The following SYNE3 variants were observed in gnomAD, a reference collection of about 807,000 sequenced individuals.
SYNE3 encodes the protein spectrin repeat containing nuclear envelope family member 3, also known as nesprin-3.
In SYNE3, 100 loss-of-function variants were observed where a neutral mutation model predicts 111.2. The ratio of observed to expected loss-of-function variants is 0.90; its 90% CI spans 0.77 to 1.06. The LOEUF is 1.06. Among genes scored for constraint, SYNE3 ranks in the 50% least tolerant of loss-of-function variants. The pLI is 0.00. For missense variants in SYNE3, 1,160 were observed against 1,240.3 expected (o/e 0.94, Z 0.97); for synonymous variants, 547 against 533.9 (o/e 1.02, Z -0.34).
At chr14:95,474,340 A>T (rs1888747360) in intron 2 of SYNE3, among the ~76,000 whole-genome samples, 1 of 152,174 alleles carries the variant, frequency 6.6e-6, no homozygotes, top group Admixed American at 6.5e-5. Flanking sequence ...TGCCTCATAC[A>T]TGCTTGTGCA....
rs1393002816 is a variant in SYNE3 at position 95,440,094 on chromosome 14, A to C, written c.1912-19T>G. On this transcript the variant is annotated intron_variant, in intron 11 of 17. Transcript: ENST00000682763. ...CAAGGTCCTGCAGCACAGCCCGGGG[A>C]GCCCAGGGCATCCTGAGTGCTGGCC... The C allele has an allele frequency of 6.3e-7, 1 of 1,579,942 alleles. No homozygotes were observed. Among genetic ancestry groups the C allele is most frequent in the African/African-American group, 1.3e-5 (1 of 74,562 alleles).
intron 1 of SYNE3, among the ~76,000 whole-genome samples, chr14:95,489,316 T>A (rs955904418): frequency 6.6e-6 from 1 of 152,210 alleles, no homozygotes. Flanking sequence ...GTGTAGGGCC[T>A]GGAATTTCTG....
chr14:95,432,675 T>C (rs1190584684), intron 16 of SYNE3, among the ~76,000 whole-genome samples: 5 of 134,222 alleles, frequency 3.7e-5, no homozygotes, highest in African/African-American at 1.4e-4. Flanking sequence ...ATTATTATTA[T>C]TATTTGGTGT....
intron 3 of SYNE3, among the ~76,000 whole-genome samples, chr14:95,466,798 TG>T (rs774403303): frequency 6.6e-6 from 1 of 152,232 alleles, no homozygotes; most frequent in Non-Finnish European, 1.5e-5. Context: ...CCTGTCTCCC[TG>T]GGGGCTGGTG....
rs1480619262 is a variant in SYNE3 at position 95,436,716 on chromosome 14, C to A, written c.2538+104G>T. 2.2e-6 allele frequency: 3 copies of A among 1,352,918 alleles called. No homozygotes were observed. The Admixed American group carries it at 6.1e-5, about 28-fold the overall frequency. The allele number at this position is 1,352,918 out of a possible 1,614,324, so 83.8% of individuals were successfully genotyped here. On this transcript the variant is annotated intron_variant, in intron 15 of 17. Transcript: ENST00000682763. The stretch of plus-strand genomic sequence containing the variant: ...ATTATCTATACACAAGGGAGAACAG[C>A]TCACAAACTGTGGGTGTGTTCCTTC...
rs531907433 is a variant in SYNE3 at position 95,500,725 on chromosome 14, C to T, written c.-15+15871G>A. Reference sequence around the variant, plus strand: ...TGGCCAGCCATTTTAACATCTTTTCCCTCGCAGGACCCTGGGTTGTCCCCA... The same window carrying T: ...TGGCCAGCCATTTTAACATCTTTTCTCTCGCAGGACCCTGGGTTGTCCCCA... On this transcript the variant is annotated intron_variant, in intron 1 of 17. Coordinates refer to ENST00000682763, the MANE Select transcript of SYNE3 (RefSeq NM_152592.6). The surrounding 1 kb of genome is among the most constrained non-coding windows in gnomAD (Gnocchi z 4.7). 2.0e-5 allele frequency among the ~76,000 whole-genome samples: 3 copies of T among 152,298 alleles called. No homozygotes were observed. The South Asian group carries it at 6.2e-4, about 32-fold the overall frequency.
rs1460959301 is a variant in SYNE3, at chr14:95,455,733, G to A, written c.790-9C>T. ...AAATCTTTGGCAATGTCCTGAAGAG[G>A]GTAGAGGGGTGAGGGAAAAACAGGC... On this transcript the variant is annotated splice_polypyrimidine_tract_variant and intron_variant, in intron 5 of 17. Transcript: ENST00000682763. 13 of 1,611,732 alleles carry A rather than the reference G, an allele frequency of 8.1e-6. No individual in the cohort carries two copies. Among genetic ancestry groups the A allele is most frequent in the Non-Finnish European group, 1.1e-5 (13 of 1,178,634 alleles).
At chr14:95,481,137 C>T (rs181934828) in intron 1 of SYNE3, among the ~76,000 whole-genome samples, 50 of 152,346 alleles carry the variant, frequency 3.3e-4, no homozygotes, top group African/African-American at 9.1e-4. Context: ...GATAAGAATG[C>T]GCAGACTGCA....
chr14:95,425,885 T>C lies in SYNE3; in HGVS notation c.2727+6194A>G, dbSNP rs549597692. On this transcript the variant is annotated intron_variant, in intron 17 of 17. Transcript: ENST00000682763. ...TGTTATCAACACTGACCTAGATAGCTGGCAAACAATAAAACAAAGACAGAA... is the reference window on the plus strand; with the variant it reads ...TGTTATCAACACTGACCTAGATAGCCGGCAAACAATAAAACAAAGACAGAA... Among the ~76,000 whole-genome samples the C allele has an allele frequency of 2.6e-5, 4 of 152,348 alleles. 1 individual carries two copies. The South Asian group carries it at 6.2e-4, about 24-fold the overall frequency.
chr14:95,419,864 G>T (rs61981396), intron 17 of SYNE3, among the ~76,000 whole-genome samples: 1 of 115,606 alleles, frequency 8.7e-6, no homozygotes, highest in East Asian at 3.0e-4. Flanking sequence ...GGTGATGGAG[G>T]TGATGGTGAT....
chr14:95,457,424 G>A, intron 4 of SYNE3, 86 bp from the exon 5 acceptor site: 2 of 1,304,592 alleles, frequency 1.5e-6, no homozygotes. Context: ...GCCTGGGTGT[G>A]TGTGTGTGTG....
intron 5 of SYNE3, 71 bp downstream of exon 5, chr14:95,457,106 A>G (rs1417467941): frequency 8.8e-6 from 13 of 1,485,186 alleles, no homozygotes; most frequent in Non-Finnish European, 1.2e-5. Flanking sequence ...AAAAAAAGGA[A>G]CTATGACATA....
intron 4 of SYNE3, among the ~76,000 whole-genome samples, chr14:95,457,664 A>G (rs1214645549): frequency 6.6e-6 from 1 of 152,186 alleles, no homozygotes; most frequent in Non-Finnish European, 1.5e-5. Context: ...CATTAGCACG[A>G]CTACTACTAC....
intron 9 of SYNE3, among the ~76,000 whole-genome samples, chr14:95,445,585 C>T (rs1197854781): frequency 1.3e-5 from 2 of 152,208 alleles, no homozygotes; most frequent in African/African-American, 2.4e-5. Context: ...TTTACAAGGA[C>T]TTTTATCACC....
chr14:95,473,222 C>T (rs771936558), intron 2 of SYNE3, among the ~76,000 whole-genome samples: 4 of 152,196 alleles, frequency 2.6e-5, no homozygotes, highest in South Asian at 2.1e-4. Context: ...CTCCCACCCC[C>T]TCGGGGCTCA....
At chr14:95,512,827 C>A (rs2139621173) in intron 1 of SYNE3, among the ~76,000 whole-genome samples, 1 of 152,172 alleles carries the variant, frequency 6.6e-6, no homozygotes, top group East Asian at 1.9e-4. Flanking sequence ...CACTGCACTC[C>A]AGCCTGGGTG....
At chr14:95,440,413 C>A (rs529800254) in intron 11 of SYNE3, among the ~76,000 whole-genome samples, 1 of 152,200 alleles carries the variant, frequency 6.6e-6, no homozygotes, top group African/African-American at 2.4e-5. Flanking sequence ...CCAAATGGAA[C>A]GTGGCTGTAG....
chr14:95,480,814 G>T (rs147774120), intron 1 of SYNE3, among the ~76,000 whole-genome samples: 6 of 152,304 alleles, frequency 3.9e-5, no homozygotes, highest in Admixed American at 2.0e-4. Flanking sequence ...CATGAAATAA[G>T]GACAGGCCCA....
rs773024495 is a variant in SYNE3 at position 95,436,903 on chromosome 14, C to A, written c.2455G>T (p.Val819Leu). Residue 819 changes from valine (V) to leucine (L), a missense_variant, in exon 15 of 18, where the codon GTG becomes TTG. Transcript: ENST00000682763. ...ATTCTAACCAGCTTGGAGTTTTCCA[C>A]CTGCAACCACTGCCCAAAGTTCCTC... ...LLRNFGQWLQ[V>L]ENSKLVRIIA... is the part of the protein sequence containing the mutation. 9.9e-6 allele frequency: 16 copies of A among 1,614,188 alleles called. No homozygotes were observed. The highest frequency in any genetic ancestry group is 1.4e-5 in the Non-Finnish European group (16 of 1,180,038).
Sources: allele counts gnomAD v4.1 joint callset (sites outside exome capture counted in the v4.1 genomes callset), GRCh38; gene constraint gnomAD v4.1.1; non-coding constraint Gnocchi (gnomAD v3.1); transcripts MANE v1.5; gene names NCBI Gene and HGNC (gene_info 2026-07-23, HGNC 2026-07-21).